PIEZO2: variants seen among roughly 807,000 people sequenced by gnomAD.
PIEZO2 encodes the protein piezo-type mechanosensitive ion channel component 2.
Under a neutral mutation model 337.3 loss-of-function variants are expected in PIEZO2, and 172 were observed. That is an observed-to-expected ratio of 0.51 (90% CI 0.45 to 0.58). PIEZO2 has a LOEUF of 0.58. Ranked by LOEUF, PIEZO2 falls within the 20% of genes least tolerant of loss-of-function variation. The pLI is 0.00. For missense variants in PIEZO2, 3,028 were observed against 3,391.3 expected (o/e 0.89, Z 2.66); for synonymous variants, 1,251 against 1,228.5 (o/e 1.02, Z -0.38).
At chr18:11,043,520 A>G (rs932608753) in intron 2 of PIEZO2, among the ~76,000 whole-genome samples, 5 of 152,094 alleles carry the variant, frequency 3.3e-5, no homozygotes, top group Admixed American at 1.3e-4. Flanking sequence ...TTTTATGTTA[A>G]TTTTGGAGAT....
At chr18:10,995,626 G>A (rs183344401) in intron 2 of PIEZO2, among the ~76,000 whole-genome samples, 105 of 152,270 alleles carry the variant, frequency 6.9e-4, no homozygotes, top group African/African-American at 2.5e-3. Flanking sequence ...ACCCATTCTG[G>A]AGAAAGTTAT....
At chr18:10,708,100 T>C (rs566261280) in intron 40 of PIEZO2, among the ~76,000 whole-genome samples, 175 bp downstream of exon 40, 16 of 152,332 alleles carry the variant, frequency 1.1e-4, no homozygotes, top group Admixed American at 9.1e-4. Flanking sequence ...AATGCTGTCC[T>C]GAGAACAATT....
chr18:11,021,572 A>G lies in PIEZO2; in HGVS notation c.161-41912T>C, dbSNP rs75683218. Among the ~76,000 whole-genome samples the G allele has an allele frequency of 0.021, 3,239 of 152,190 alleles. 112 individuals carry two copies. Among genetic ancestry groups the G allele is most frequent in the African/African-American group, 0.073 (3,049 of 41,512 alleles). ...GTCTCCTTGTGAATTCGTGAGGAGG[A>G]ACACAGTCACCATCGTGAATGAAAA... On this transcript the variant is annotated intron_variant, in intron 2 of 55. Transcript: ENST00000674853. This position sits in a 1 kb window ranked among gnomAD's most constrained non-coding sequence, Gnocchi z 4.7.
chr18:10,922,214 C>T (rs2102358), intron 3 of PIEZO2, among the ~76,000 whole-genome samples: 20,678 of 152,016 alleles, frequency 0.14, 1,931 homozygotes, highest in African/African-American at 0.26. Context: ...CAGAATCTAC[C>T]GACATGTGAT....
At chr18:10,897,564 G>A (rs919402217) in intron 4 of PIEZO2, among the ~76,000 whole-genome samples, 29 of 152,280 alleles carry the variant, frequency 1.9e-4, no homozygotes, top group African/African-American at 5.1e-4. Flanking sequence ...CACATAAGAC[G>A]TGCCTTTCAC....
intron 2 of PIEZO2, among the ~76,000 whole-genome samples, chr18:11,005,864 G>A (rs1230023518): frequency 1.3e-5 from 2 of 152,174 alleles, no homozygotes; most frequent in Admixed American, 6.5e-5. Context: ...GTATGTACAC[G>A]CAAAGAGCAG....
At chr18:10,921,159 C>T (rs913774577) in intron 3 of PIEZO2, among the ~76,000 whole-genome samples, 5 of 151,984 alleles carry the variant, frequency 3.3e-5, no homozygotes, top group Non-Finnish European at 5.9e-5. Context: ...TCATTATAGG[C>T]CTTTTGGAGA....
At chr18:10,919,814 A>C (rs915451113) in intron 3 of PIEZO2, among the ~76,000 whole-genome samples, 2 of 151,934 alleles carry the variant, frequency 1.3e-5, no homozygotes, top group African/African-American at 4.8e-5. Context: ...TCCTCTACCA[A>C]CTTCCCACTA....
rs1347069618 is a variant in PIEZO2, at chr18:11,111,280, CCCTTT to C, written c.64+37240_64+37244del. 6.6e-6 allele frequency among the ~76,000 whole-genome samples: 1 copy of C among 152,170 alleles called. No individual in the cohort carries two copies. The highest frequency in any genetic ancestry group is 1.5e-5 in the Non-Finnish European group (1 of 68,024). On this transcript the variant is annotated intron_variant, in intron 1 of 55. Transcript: ENST00000674853. The surrounding 1 kb of genome is among the most constrained non-coding windows in gnomAD (Gnocchi z 6.2). ...AACTTCCCTGGCCTTCGTTTCCCAT[CCCTTT>C]CAACAGTGGTATAGCCTGCAATCTC...
chr18:10,726,300 G>A lies in PIEZO2; in HGVS notation c.5029+5107C>T, dbSNP rs2036535999. 6.5e-6 allele frequency: 7 copies of A among 1,085,090 alleles called. No individual in the cohort carries two copies. The highest frequency in any genetic ancestry group is 4.4e-5 in the South Asian group (3 of 68,026). The allele number at this position is 1,085,090 out of a possible 1,614,324, so 67.2% of individuals were successfully genotyped here. A position where few individuals can be genotyped will look rare whatever the true frequency, so the allele number is the denominator to read the frequency against. ...ATGGAAGCGTCGCGGCCAGAGCCCC[G>A]GCCAGGTGGAGCAGGTGGGTCCCCG... On this transcript the variant is annotated intron_variant, in intron 36 of 55. Transcript: ENST00000674853. This position sits in a 1 kb window ranked among gnomAD's most constrained non-coding sequence, Gnocchi z 5.9.
At chr18:10,858,766 A>T (rs1242150558) in intron 5 of PIEZO2, among the ~76,000 whole-genome samples, 1 of 152,092 alleles carries the variant, frequency 6.6e-6, no homozygotes, top group Non-Finnish European at 1.5e-5. Flanking sequence ...ACTGGAGTTG[A>T]CTATTGATGA....
chr18:10,685,868 C>T (rs539154247), intron 49 of PIEZO2, among the ~76,000 whole-genome samples: 31 of 152,318 alleles, frequency 2.0e-4, no homozygotes, highest in South Asian at 6.2e-4. Flanking sequence ...ACGCAGGCTG[C>T]GGGCACGAGA....
intron 4 of PIEZO2, among the ~76,000 whole-genome samples, chr18:10,887,539 A>G (rs1265880696): frequency 6.6e-6 from 1 of 152,172 alleles, no homozygotes; most frequent in Non-Finnish European, 1.5e-5. Flanking sequence ...TACCCAAACC[A>G]TATCAACCAC....
rs1055673962 is a variant in PIEZO2, at chr18:10,714,626, TG to T, written c.5423+137del. On this transcript the variant is annotated intron_variant, in intron 39 of 55. Coordinates refer to ENST00000674853, the MANE Select transcript of PIEZO2 (RefSeq NM_001378183.1). ...TGTTCCTTATAGTTTGTTGTACAGA[TG>T]GCGACAGCTGGAAGAGGGTGGGGGT... 119 of 917,840 alleles carry T rather than the reference TG, an allele frequency of 1.3e-4. 2 individuals carry two copies. The African/African-American group carries it at 1.9e-3, about 15-fold the overall frequency. 56.9% of individuals were successfully genotyped at this position (917,840 alleles called of 1,614,324 possible). A position where few individuals can be genotyped will look rare whatever the true frequency, so the allele number is the denominator to read the frequency against.
intron 14 of PIEZO2, among the ~76,000 whole-genome samples, chr18:10,790,887 G>A (rs1368296060): frequency 6.6e-6 from 1 of 151,984 alleles, no homozygotes; most frequent in Non-Finnish European, 1.5e-5. Context: ...TGTATTTTTA[G>A]TAAAGGCGGG....
intron 1 of PIEZO2, among the ~76,000 whole-genome samples, chr18:11,142,399 G>C (rs1356632464): frequency 6.6e-6 from 1 of 152,138 alleles, no homozygotes; most frequent in Non-Finnish European, 1.5e-5. Context: ...TCATCATTTT[G>C]ATTTTGCCAC....
At chr18:10,974,900 A>C (rs2034384821) in intron 3 of PIEZO2, among the ~76,000 whole-genome samples, 1 of 152,180 alleles carries the variant, frequency 6.6e-6, no homozygotes, top group Non-Finnish European at 1.5e-5. Context: ...CTGACGAAGG[A>C]ATCTCCTGCT....
rs556976237 is a variant in PIEZO2, at chr18:10,807,332, T to C, written c.918-58A>G. ...TGCAATAAGCTATATGTCTCCAACA[T>C]TGAATAAAAGTACTTTGTTTTTGAT... On this transcript the variant is annotated intron_variant, in intron 7 of 55. Coordinates refer to ENST00000674853, the MANE Select transcript of PIEZO2 (RefSeq NM_001378183.1). 1.4e-5 allele frequency: 21 copies of C among 1,455,586 alleles called. No individual in the cohort carries two copies. In the African/African-American group the frequency reaches 2.1e-4, roughly 15 times the overall value. The allele number at this position is 1,455,586 out of a possible 1,614,324, so 90.2% of individuals were successfully genotyped here. A position where few individuals can be genotyped will look rare whatever the true frequency, so the allele number is the denominator to read the frequency against.
At chr18:10,841,894 T>C (rs1191595449) in intron 7 of PIEZO2, among the ~76,000 whole-genome samples, 1 of 152,222 alleles carries the variant, frequency 6.6e-6, no homozygotes, top group Non-Finnish European at 1.5e-5. Flanking sequence ...CAGGGCGTGG[T>C]GGCTCACACC....
Sources: allele counts gnomAD v4.1 joint callset (sites outside exome capture counted in the v4.1 genomes callset), GRCh38; gene constraint gnomAD v4.1.1; non-coding constraint Gnocchi (gnomAD v3.1); transcripts MANE v1.5; gene names NCBI Gene and HGNC (gene_info 2026-07-23, HGNC 2026-07-21).